RIMKLB: variants seen among roughly 807,000 people sequenced by gnomAD.
RIMKLB encodes beta-citrylglutamate synthase B.
Under a neutral mutation model 32.0 loss-of-function variants are expected in RIMKLB, and 7 were observed. The observed-to-expected ratio is 0.22, with a 90% CI of 0.12 to 0.41. The LOEUF (loss-of-function observed/expected upper bound fraction) is 0.41, where lower values mean the gene tolerates loss of function less well. Ranked by LOEUF, RIMKLB falls within the 10% of genes least tolerant of loss-of-function variation. The pLI, the probability that RIMKLB is intolerant of heterozygous loss-of-function variation, is 1.00. For missense variants in RIMKLB, 289 were observed against 498.7 expected, an observed-to-expected ratio of 0.58 and a Z score of 4.00; for synonymous variants, 172 against 185.1, an observed-to-expected ratio of 0.93 and a Z score of 0.57.
chr12:8,777,398 TTG>T, downstream of RIMKLB: 1 of 985,228 alleles, frequency 1.0e-6, no homozygotes, highest in Non-Finnish European at 1.2e-6. Flanking sequence ...TTTTGGATTT[TTG>T]TGTGGTATTT....
intron 1 of RIMKLB, chr12:8,681,968 A>G (rs1942420162): frequency 6.6e-6 from 1 of 151,864 alleles, no homozygotes; most frequent in Non-Finnish European, 1.5e-5. Context: ...GTCTTGTGGG[A>G]CTCAGCTCTA....
At chr12:8,712,487 G>A (rs879033131) in intron 1 of RIMKLB, among the ~76,000 whole-genome samples, 1 of 152,182 alleles carries the variant, frequency 6.6e-6, no homozygotes, top group Admixed American at 6.5e-5. Flanking sequence ...CCGACATTAA[G>A]TTAGCATAGT....
the RIMKLB span, chr12:8,668,965 T>G: frequency 1.1e-4 from 16 of 150,750 alleles, no homozygotes; most frequent in Admixed American, 1.1e-3. Flanking sequence ...AGGATTATTT[T>G]TATCTATTAT....
chr12:8,744,332 G>A (rs1030738302), intron 2 of RIMKLB, among the ~76,000 whole-genome samples: 7 of 152,008 alleles, frequency 4.6e-5, no homozygotes, highest in Non-Finnish European at 7.3e-5. Flanking sequence ...ACACTGTGCA[G>A]ATCCAACTAT....
chr12:8,733,825 A>C (rs1023955946), intron 2 of RIMKLB, among the ~76,000 whole-genome samples: 1 of 152,204 alleles, frequency 6.6e-6, no homozygotes, highest in East Asian at 1.9e-4. Flanking sequence ...TGGAGGCTGA[A>C]GTGAGCTATG....
At chr12:8,709,160 T>G (rs1300564339) in intron 1 of RIMKLB, among the ~76,000 whole-genome samples, 4 of 152,232 alleles carry the variant, frequency 2.6e-5, no homozygotes, top group African/African-American at 9.6e-5. Context: ...TTTAAACTAC[T>G]AGGAAAAAAG....
chr12:8,716,020 T>C (rs1398958923), intron 2 of RIMKLB, among the ~76,000 whole-genome samples: 1 of 152,158 alleles, frequency 6.6e-6, no homozygotes, highest in East Asian at 1.9e-4. Context: ...TTGGGAGCCA[T>C]GTTCTTGAAG....
At chr12:8,734,289 G>A (rs74059992) in intron 2 of RIMKLB, among the ~76,000 whole-genome samples, 5,582 of 152,204 alleles carry the variant, frequency 0.037, 326 homozygotes, top group African/African-American at 0.12. Flanking sequence ...TTGAACTAGG[G>A]GAGCAGTTCA....
chr12:8,750,277 CTT>C (rs969903332), intron 3 of RIMKLB, among the ~76,000 whole-genome samples, 185 bp downstream of exon 3: 3 of 152,048 alleles, frequency 2.0e-5, no homozygotes, highest in African/African-American at 4.8e-5. Flanking sequence ...GGTTAGAAAA[CTT>C]TTTCTGTAAA....
At chr12:8,779,314 A>C (rs1950905883), downstream of RIMKLB, 3 of 151,920 alleles carry the variant, frequency 2.0e-5, no homozygotes, top group Admixed American at 2.0e-4. Context: ...CCTGGCTGCT[A>C]TTGTGGGGTT....
chr12:8,706,792 G>A (rs535043239), intron 1 of RIMKLB, among the ~76,000 whole-genome samples: 2 of 152,222 alleles, frequency 1.3e-5, no homozygotes, highest in African/African-American at 4.8e-5. Flanking sequence ...TGAGGCAACA[G>A]TGGGTGGCAT....
intron 5 of RIMKLB, among the ~76,000 whole-genome samples, chr12:8,760,988 C>T (rs897096900): frequency 5.9e-5 from 9 of 151,982 alleles, no homozygotes; most frequent in African/African-American, 2.2e-4. Flanking sequence ...TTTAGCTATC[C>T]TAATAAGGAT....
At chr12:8,696,658 T>C (rs1427211581), upstream of RIMKLB, among the ~76,000 whole-genome samples, 1 of 152,164 alleles carries the variant, frequency 6.6e-6, no homozygotes, top group Non-Finnish European at 1.5e-5. Context: ...GAACCATAAA[T>C]CCAATCCGGG....
At chr12:8,688,570 T>C (rs752289752) in intron 1 of RIMKLB, among the ~76,000 whole-genome samples, 1 of 152,368 alleles carries the variant, frequency 6.6e-6, no homozygotes, top group East Asian at 1.9e-4. Context: ...ACATAGTTCT[T>C]AGTCTCCCCC....
intron 1 of RIMKLB, among the ~76,000 whole-genome samples, chr12:8,686,147 G>A (rs1448113805): frequency 6.6e-6 from 1 of 151,974 alleles, no homozygotes; most frequent in Non-Finnish European, 1.5e-5. Flanking sequence ...TCACCATGTT[G>A]GCTAGGCTGC....
intron 1 of RIMKLB, among the ~76,000 whole-genome samples, chr12:8,699,121 C>G (rs903813582): frequency 2.6e-5 from 4 of 152,184 alleles, no homozygotes; most frequent in East Asian, 3.8e-4. Context: ...TTGCACTAAC[C>G]ATGCTCAATG....
At chr12:8,779,647 T>TG (rs1950920991), downstream of RIMKLB, 1 of 152,190 alleles carries the variant, frequency 6.6e-6, no homozygotes, top group Non-Finnish European at 1.5e-5. Flanking sequence ...TTTATCTTGA[T>TG]GAAGGCAGTG....
At chr12:8,727,220 T>TTTG (rs757341772) in intron 2 of RIMKLB, among the ~76,000 whole-genome samples, 10 of 151,894 alleles carry the variant, frequency 6.6e-5, no homozygotes, top group East Asian at 1.9e-4. Flanking sequence ...GGCACTTTGG[T>TTTG]TTGTTGTTGT....
intron 2 of RIMKLB, among the ~76,000 whole-genome samples, chr12:8,730,215 A>G (rs1198069275): frequency 6.6e-6 from 1 of 152,172 alleles, no homozygotes; most frequent in East Asian, 1.9e-4. Flanking sequence ...CCTCCCAGGT[A>G]GCTGAGACTG....
Sources: allele counts gnomAD v4.1 joint callset (sites outside exome capture counted in the v4.1 genomes callset), GRCh38; gene constraint gnomAD v4.1.1; transcripts MANE v1.5; gene names NCBI Gene and HGNC (gene_info 2026-07-23, HGNC 2026-07-21).